The following SNTB1 variants were observed in gnomAD, a reference collection of about 807,000 sequenced individuals.
SNTB1 encodes the protein syntrophin beta 1, also known as beta-1-syntrophin.
A neutral mutation model predicts 48.9 loss-of-function variants in SNTB1; 36 were observed. The ratio of observed to expected loss-of-function variants is 0.74; its 90% confidence interval spans 0.56 to 0.97. The LOEUF (loss-of-function observed/expected upper bound fraction) is 0.97, where lower values mean the gene tolerates loss of function less well. Among genes scored for constraint, SNTB1 ranks in the 50% least tolerant of loss-of-function variants. The pLI is 0.00. For missense variants in SNTB1, 786 were observed against 703.4 expected, an observed-to-expected ratio of 1.12 and a Z score of -1.33; for synonymous variants, 299 against 294.6, an observed-to-expected ratio of 1.01 and a Z score of -0.15.
chr8:120,775,390 G>A (rs1264605802), intron 1 of SNTB1: 2 of 152,112 alleles, frequency 1.3e-5, no homozygotes, highest in African/African-American at 4.8e-5. Context: ...GTCCTGCTCT[G>A]GCCCCAGGCA....
chr8:120,754,626 C>T (rs1223405104), intron 1 of SNTB1, among the ~76,000 whole-genome samples: 1 of 152,082 alleles, frequency 6.6e-6, no homozygotes, highest in African/African-American at 2.4e-5. Context: ...TGACATCATG[C>T]ATGTGAAGTG....
rs537716473 is a variant in SNTB1 at position 120,595,524 on chromosome 8, G to C, written c.997-20299C>G. On this transcript the variant is annotated intron_variant, in intron 3 of 6. Coordinates refer to ENST00000517992, the MANE Select transcript of SNTB1 (RefSeq NM_021021.4). The stretch of plus-strand genomic sequence containing the variant: ...TCATCAAGAAATAACCATAAAAATG[G>C]GCAACCAGGAGCCCTAGGGGCTGCT... 4.6e-5 allele frequency among the ~76,000 whole-genome samples: 7 copies of C among 152,110 alleles called. No individual in the cohort carries two copies. In the East Asian group the frequency reaches 1.2e-3, roughly 25 times the overall value.
intron 5 of SNTB1, among the ~76,000 whole-genome samples, chr8:120,543,034 C>G (rs1815318632): frequency 6.6e-6 from 1 of 152,050 alleles, no homozygotes; most frequent in South Asian, 2.1e-4. Flanking sequence ...GCCCTCCCAT[C>G]CAAAGAAACA....
chr8:120,626,748 C>G (rs112234703), intron 3 of SNTB1, among the ~76,000 whole-genome samples: 1 of 152,126 alleles, frequency 6.6e-6, no homozygotes, highest in Non-Finnish European at 1.5e-5. Context: ...GAAGTTTTCA[C>G]AAGTGTCACC....
At chr8:120,701,686 C>T (rs1255025396) in intron 1 of SNTB1, among the ~76,000 whole-genome samples, 2 of 152,194 alleles carry the variant, frequency 1.3e-5, no homozygotes, top group African/African-American at 4.8e-5. Flanking sequence ...CTAGAAGAAT[C>T]ATTATTTTCA....
intron 2 of SNTB1, among the ~76,000 whole-genome samples, chr8:120,692,777 T>C (rs561412958): frequency 6.6e-6 from 1 of 152,334 alleles, no homozygotes; most frequent in African/African-American, 2.4e-5. Flanking sequence ...TTGACAGCAC[T>C]GAGGCCTAGT....
At chr8:120,660,420 C>A (rs1430267577) in intron 2 of SNTB1, among the ~76,000 whole-genome samples, 1 of 152,226 alleles carries the variant, frequency 6.6e-6, no homozygotes, top group African/African-American at 2.4e-5. Context: ...TATGAACTAA[C>A]TTCTGCTAGC....
chr8:120,568,095 G>T (rs752382375), intron 4 of SNTB1, among the ~76,000 whole-genome samples: 7 of 152,196 alleles, frequency 4.6e-5, no homozygotes, highest in Non-Finnish European at 7.3e-5. Context: ...CAATGGAAGT[G>T]CTGGGGTAAC....
At chr8:120,724,517 TG>T (rs1308253782) in intron 1 of SNTB1, among the ~76,000 whole-genome samples, 1 of 151,772 alleles carries the variant, frequency 6.6e-6, no homozygotes, top group Non-Finnish European at 1.5e-5. Context: ...GAACATGGAG[TG>T]GGGAAGAAGG....
chr8:120,633,823 A>C (rs1002376980), intron 2 of SNTB1, among the ~76,000 whole-genome samples: 1 of 152,170 alleles, frequency 6.6e-6, no homozygotes, highest in Non-Finnish European at 1.5e-5. Flanking sequence ...AGTACAAAGA[A>C]GTCTGGGATG....
At chr8:120,709,800 C>T (rs1474667799) in intron 1 of SNTB1, among the ~76,000 whole-genome samples, 1 of 151,970 alleles carries the variant, frequency 6.6e-6, no homozygotes, top group Non-Finnish European at 1.5e-5. Context: ...GGACAACTTG[C>T]TACAGTTCTC....
chr8:120,617,888 AAAG>A (rs1213393307), intron 3 of SNTB1, among the ~76,000 whole-genome samples: 1 of 152,366 alleles, frequency 6.6e-6, no homozygotes, highest in Non-Finnish European at 1.5e-5. Context: ...AGGCGATTCC[AAAG>A]AAGAATTCTA....
At chr8:120,625,683 G>T (rs1470683791) in intron 3 of SNTB1, among the ~76,000 whole-genome samples, 1 of 152,190 alleles carries the variant, frequency 6.6e-6, no homozygotes, top group Non-Finnish European at 1.5e-5. Flanking sequence ...CTCCATCTCA[G>T]AGGTGATTCA....
intron 3 of SNTB1, among the ~76,000 whole-genome samples, chr8:120,580,558 G>T (rs1278309817): frequency 6.6e-6 from 1 of 152,198 alleles, no homozygotes; most frequent in African/African-American, 2.4e-5. Flanking sequence ...AGATGTAAGG[G>T]ACAGAGAACA....
intron 1 of SNTB1, among the ~76,000 whole-genome samples, chr8:120,768,296 G>A (rs755223545): frequency 6.6e-6 from 1 of 152,150 alleles, no homozygotes; most frequent in Non-Finnish European, 1.5e-5. Flanking sequence ...AGCCATGTGC[G>A]AGTACCCTAC....
chr8:120,719,854 T>C (rs531277991), intron 1 of SNTB1, among the ~76,000 whole-genome samples: 2 of 152,340 alleles, frequency 1.3e-5, no homozygotes. Flanking sequence ...CCTCATGCCA[T>C]GGAATGAACC....
intron 1 of SNTB1, among the ~76,000 whole-genome samples, chr8:120,808,461 A>G (rs1183342173): frequency 6.6e-6 from 1 of 152,248 alleles, no homozygotes; most frequent in African/African-American, 2.4e-5. Context: ...TGTTATAAAA[A>G]TGAGAAATAT....
chr8:120,646,912 G>A (rs1817307241), intron 2 of SNTB1, among the ~76,000 whole-genome samples: 1 of 151,772 alleles, frequency 6.6e-6, no homozygotes, highest in Non-Finnish European at 1.5e-5. Flanking sequence ...ATGTGTCCAG[G>A]AATTTATCCA....
intron 2 of SNTB1, among the ~76,000 whole-genome samples, chr8:120,671,106 C>A (rs565000330): frequency 3.9e-5 from 6 of 152,310 alleles, no homozygotes; most frequent in African/African-American, 1.2e-4. Flanking sequence ...GATTTCCAGG[C>A]CCCTTTTTTT....
Sources: gnomAD v4.1 joint callset for allele counts (sites outside exome capture counted in the v4.1 genomes callset) on GRCh38, gnomAD v4.1.1 for gene constraint, MANE v1.5 for transcripts, NCBI Gene and HGNC (gene_info 2026-07-23, HGNC 2026-07-21) for gene names.